RPGRIP1L: variants seen among roughly 807,000 people sequenced by gnomAD.
RPGRIP1L encodes RPGRIP1 like.
RPGRIP1L carries 131 observed loss-of-function variants against 160.4 expected under a neutral mutation model. The observed-to-expected ratio is 0.82, with a 90% confidence interval of 0.71 to 0.94. RPGRIP1L has a LOEUF of 0.94. Ranked by LOEUF, RPGRIP1L falls within the 40% of genes least tolerant of loss-of-function variation. The pLI, the probability that RPGRIP1L is intolerant of heterozygous loss-of-function variation, is 0.00. For missense variants in RPGRIP1L, 1,522 were observed against 1,535.8 expected, an observed-to-expected ratio of 0.99 and a Z score of 0.15; for synonymous variants, 510 against 515.8, an observed-to-expected ratio of 0.99 and a Z score of 0.15.
intron 4 of RPGRIP1L, among the ~76,000 whole-genome samples, chr16:53,688,704 A>C (rs1970182951): frequency 6.6e-6 from 1 of 152,096 alleles, no homozygotes; most frequent in South Asian, 2.1e-4. Context: ...CAACAAATTT[A>C]TTCCTTTAGA....
chr16:53,601,450 T>G lies in RPGRIP1L; in HGVS notation c.*626A>C, dbSNP rs886052089. On this transcript the variant is annotated 3_prime_UTR_variant, in exon 27 of 27. Transcript: ENST00000647211. Reference sequence around the variant, plus strand: ...AGACAAAAAACTTGCAGTCATTGAATAAGTTGGTGCTAAGTTTCATTCTTT... The same window carrying G: ...AGACAAAAAACTTGCAGTCATTGAAGAAGTTGGTGCTAAGTTTCATTCTTT... The G allele has an allele frequency of 6.5e-6, 1 of 152,918 alleles. No homozygotes were observed. Among genetic ancestry groups the G allele is most frequent in the East Asian group, 1.9e-4 (1 of 5,180 alleles). 9.5% of individuals were successfully genotyped at this position (152,918 alleles called of 1,614,324 possible).
intron 6 of RPGRIP1L, among the ~76,000 whole-genome samples, chr16:53,685,689 A>G (rs1212815728): frequency 6.7e-6 from 1 of 148,998 alleles, no homozygotes; most frequent in East Asian, 2.0e-4. Flanking sequence ...GGGGAACAAC[A>G]CACACTGGGG....
chr16:53,683,407 T>C lies in RPGRIP1L; in HGVS notation c.776+3026A>G, dbSNP rs1028205584. 2.6e-5 allele frequency among the ~76,000 whole-genome samples: 4 copies of C among 152,176 alleles called. No homozygotes were observed. The East Asian group carries it at 7.7e-4, about 29-fold the overall frequency. On this transcript the variant is annotated intron_variant, in intron 6 of 26. Transcript: ENST00000647211. ...AGTAGAAGGACATCTTCACAGAAGT[T>C]TGAATATAAACCAGTTATTAGACGA...
intron 24 of RPGRIP1L, among the ~76,000 whole-genome samples, chr16:53,618,041 T>C (rs939295400): frequency 4.6e-5 from 7 of 152,244 alleles, no homozygotes; most frequent in African/African-American, 1.2e-4. Flanking sequence ...TATTATTTTT[T>C]ATTCCTCTCC....
intron 25 of RPGRIP1L, 119 bp from the exon 26 acceptor site, chr16:53,605,733 A>G: frequency 9.8e-7 from 1 of 1,019,050 alleles, no homozygotes; most frequent in African/African-American, 1.6e-5. Context: ...AATTATCCCA[A>G]TAAAAAGAAA....
chr16:53,693,352 T>C (rs938780154), intron 3 of RPGRIP1L: 2 of 152,234 alleles, frequency 1.3e-5, no homozygotes, highest in African/African-American at 4.8e-5. Context: ...AGCGTGGTTA[T>C]GGACAGAAGC....
At chr16:53,696,050 A>G (rs1168241360) in intron 3 of RPGRIP1L, 101 bp downstream of exon 3, 22 of 1,172,798 alleles carry the variant, frequency 1.9e-5, no homozygotes, top group Non-Finnish European at 2.5e-5. Context: ...GCCTTGTTCC[A>G]AACAAGATTC....
chr16:53,638,210 G>A (rs1258897579), intron 20 of RPGRIP1L, 100 bp downstream of exon 20: 23 of 763,242 alleles, frequency 3.0e-5, no homozygotes, highest in Non-Finnish European at 3.2e-5. Context: ...ATAAAAATAG[G>A]GGAAATGCTA....
chr16:53,621,850 C>A (rs941159682), intron 23 of RPGRIP1L, among the ~76,000 whole-genome samples: 1 of 148,356 alleles, frequency 6.7e-6, no homozygotes, highest in Non-Finnish European at 1.5e-5. Flanking sequence ...GGTGAAACCC[C>A]GTCTCTACTA....
intron 16 of RPGRIP1L, among the ~76,000 whole-genome samples, chr16:53,647,626 A>C (rs935766167): frequency 2.6e-5 from 4 of 152,214 alleles, no homozygotes; most frequent in Non-Finnish European, 5.9e-5. Flanking sequence ...GGAGTGAAAG[A>C]AAATGGGATC....
chr16:53,673,697 T>A (rs1598377139), intron 7 of RPGRIP1L, among the ~76,000 whole-genome samples: 1 of 152,142 alleles, frequency 6.6e-6, no homozygotes, highest in African/African-American at 2.4e-5. Flanking sequence ...CCACTGAAGT[T>A]TTTTTTCACT....
chr16:53,615,470 ATATT>A (rs1567797411), intron 24 of RPGRIP1L, among the ~76,000 whole-genome samples: 1 of 85,268 alleles, frequency 1.2e-5, no homozygotes, highest in Admixed American at 1.6e-4. Context: ...ATATATATAT[ATATT>A]TTTTTTTTTT....
rs1323211982 is a variant in RPGRIP1L, at chr16:53,645,760, T to C, written c.2548A>G (p.Met850Val). 6.2e-7 allele frequency: 1 copy of C among 1,614,150 alleles called. No individual in the cohort carries two copies. Among genetic ancestry groups the C allele is most frequent in the East Asian group, 2.2e-5 (1 of 44,884 alleles). Residue 850 changes from methionine (M) to valine (V), a missense_variant, in exon 17 of 27, where the codon ATG becomes GTG. Transcript: ENST00000647211. ...DHMYFPVPMN[M>V]DLDRYLKSES... is the part of the protein sequence containing the mutation. ...GACTTAAGGTATCGATCCAAGTCCA[T>C]ATTCATTGGCACTGGGAAATACATA...
intron 6 of RPGRIP1L, among the ~76,000 whole-genome samples, chr16:53,685,713 G>A (rs1969957861): frequency 6.6e-6 from 1 of 151,636 alleles, no homozygotes; most frequent in African/African-American, 2.4e-5. Flanking sequence ...GTCGGAGGGT[G>A]AGGGGTGGGA....
chr16:53,616,730 C>A (rs191473171), intron 24 of RPGRIP1L, among the ~76,000 whole-genome samples: 2 of 151,986 alleles, frequency 1.3e-5, no homozygotes. Flanking sequence ...TGTTAACATA[C>A]CAATTAGACA....
chr16:53,664,928 G>A lies in RPGRIP1L; in HGVS notation c.1185C>T (p.Ala395=). The A allele has an allele frequency of 6.2e-7, 1 of 1,613,112 alleles. No individual in the cohort carries two copies. Among genetic ancestry groups the A allele is most frequent in the Non-Finnish European group, 8.5e-7 (1 of 1,179,862 alleles). ...LKVQIAQLET[A]LKSDLTDKTE... is the part of the protein sequence containing the mutation. Reference sequence around the variant, plus strand: ...TTTTGTCTGTTAAGTCAGACTTCAAGGCAGTCTCGAGCTGAGCAATCTGCA... The same window carrying A: ...TTTTGTCTGTTAAGTCAGACTTCAAAGCAGTCTCGAGCTGAGCAATCTGCA... The change falls in exon 10 of 27, where the codon GCC becomes GCT. Residue 395 remains alanine, a synonymous_variant. Coordinates refer to ENST00000647211, the MANE Select transcript of RPGRIP1L (RefSeq NM_015272.5).
rs35526952 is a variant in RPGRIP1L at position 53,672,782 on chromosome 16, C to T, written c.1029+88G>A. Reference sequence around the variant, plus strand: ...CATAACTTATAATTTTAAATAAGTACAATTTTGAAATATCTCTATTTTACT... The same window carrying T: ...CATAACTTATAATTTTAAATAAGTATAATTTTGAAATATCTCTATTTTACT... On this transcript the variant is annotated intron_variant, in intron 8 of 26. Transcript: ENST00000647211. The T allele has an allele frequency of 0.04, 48,058 of 1,197,424 alleles. 2,778 individuals are homozygous for T. The highest frequency in any genetic ancestry group is 0.22 in the Admixed American group (11,991 of 55,048). 74.2% of individuals were successfully genotyped at this position (1,197,424 alleles called of 1,614,324 possible).
chr16:53,644,746 A>T (rs1014533241), intron 17 of RPGRIP1L, among the ~76,000 whole-genome samples: 3 of 152,204 alleles, frequency 2.0e-5, no homozygotes, highest in Non-Finnish European at 2.9e-5. Context: ...CAAAAAACAA[A>T]ATCAAAATAA....
chr16:53,645,748 G>A lies in RPGRIP1L; in HGVS notation c.2560C>T (p.Arg854Ter), dbSNP rs770291169. Residue 854 changes from arginine (R) to a stop codon, truncating the protein, a stop_gained, in exon 17 of 27, where the codon CGA becomes TGA. Transcript: ENST00000647211. LOFTEE classifies it high-confidence loss of function. Reference protein sequence around the residue: ...FPVPMNMDLDRYLKSESLSFY... With the variant: ...FPVPMNMDLD Reference sequence around the variant, plus strand: ...CTCAGAGACTCTGACTTAAGGTATCGATCCAAGTCCATATTCATTGGCACT... The same window carrying A: ...CTCAGAGACTCTGACTTAAGGTATCAATCCAAGTCCATATTCATTGGCACT... 1.2e-6 allele frequency: 2 copies of A among 1,613,964 alleles called. No individual in the cohort carries two copies. The highest frequency in any genetic ancestry group is 2.7e-5 in the African/African-American group (2 of 74,982).
Sources: gnomAD v4.1 joint callset for allele counts (sites outside exome capture counted in the v4.1 genomes callset) on GRCh38, gnomAD v4.1.1 for gene constraint, MANE v1.5 for transcripts, NCBI Gene and HGNC (gene_info 2026-07-23, HGNC 2026-07-21) for gene names.